The following MAD1L1 variants were observed in gnomAD, a reference collection of about 807,000 sequenced individuals.
MAD1L1 encodes the protein mitotic arrest deficient 1 like 1.
In MAD1L1, 95 loss-of-function variants were observed where a neutral mutation model predicts 96.9. That is an observed-to-expected ratio of 0.98 (90% CI 0.83 to 1.16). The LOEUF is 1.16. Ranked by LOEUF, MAD1L1 falls within the 50% of genes most tolerant of loss-of-function variation. The pLI, the probability that MAD1L1 is intolerant of heterozygous loss-of-function variation, is 0.00. For missense variants in MAD1L1, 1,007 were observed against 954.4 expected, an observed-to-expected ratio of 1.06 and a Z score of -0.73; for synonymous variants, 473 against 396.6, an observed-to-expected ratio of 1.19 and a Z score of -2.29.
At chr7:2,152,972 T>G (rs532566606) in intron 10 of MAD1L1, among the ~76,000 whole-genome samples, 1 of 152,314 alleles carries the variant, frequency 6.6e-6, no homozygotes, top group African/African-American at 2.4e-5. Context: ...TTGTGAAATT[T>G]TGTATACCCT....
At chr7:2,221,063 G>T (rs781760990) in intron 5 of MAD1L1, 43 of 1,597,148 alleles carry the variant, frequency 2.7e-5, no homozygotes, top group Non-Finnish European at 3.3e-5. Context: ...TGCGCAGGGA[G>T]GGCTTCCCTG....
At chr7:2,180,205 C>T (rs921386680) in intron 10 of MAD1L1, among the ~76,000 whole-genome samples, 1 of 152,176 alleles carries the variant, frequency 6.6e-6, no homozygotes, top group African/African-American at 2.4e-5. Context: ...GTGCATGTTG[C>T]GCACAGGCTC....
At chr7:2,116,571 G>A (rs988636300) in intron 11 of MAD1L1, among the ~76,000 whole-genome samples, 11 of 150,754 alleles carry the variant, frequency 7.3e-5, no homozygotes, top group African/African-American at 1.2e-4. Flanking sequence ...GAGGGTTGGG[G>A]GGGGGGGGGG....
intron 11 of MAD1L1, among the ~76,000 whole-genome samples, chr7:2,092,517 CTCTGGATA>C (rs1477260639): frequency 1.3e-5 from 2 of 152,222 alleles, no homozygotes; most frequent in African/African-American, 4.8e-5. Context: ...CACACCTGCC[CTCTGGATA>C]TCGGTGACTG....
intron 18 of MAD1L1, among the ~76,000 whole-genome samples, chr7:1,874,735 C>T (rs959901697): frequency 6.6e-6 from 1 of 151,988 alleles, no homozygotes; most frequent in South Asian, 2.1e-4. Flanking sequence ...CAGGCCCTCC[C>T]GCCTGGGCAC....
intron 10 of MAD1L1, among the ~76,000 whole-genome samples, chr7:2,171,585 G>A (rs1026595105): frequency 1.2e-4 from 18 of 151,288 alleles, no homozygotes; most frequent in African/African-American, 4.4e-4. Flanking sequence ...CAGCTGGAGG[G>A]TGGAGATGGG....
intron 18 of MAD1L1, chr7:1,838,741 A>G (rs3889573): frequency 0.79 from 372,686 of 470,820 alleles, 148,902 homozygotes; most frequent in African/African-American, 0.92. Context: ...ATAGACTGTG[A>G]TGATGGCTGC....
intron 12 of MAD1L1, among the ~76,000 whole-genome samples, chr7:2,037,002 T>C (rs1783467425): frequency 6.6e-6 from 1 of 151,302 alleles, no homozygotes; most frequent in South Asian, 2.1e-4. Flanking sequence ...AGCTTCCGCG[T>C]GCCCACCCAC....
intron 16 of MAD1L1, among the ~76,000 whole-genome samples, chr7:1,956,229 C>CTGGCCACCCT (rs1562560179): frequency 1.3e-5 from 2 of 151,976 alleles, no homozygotes; most frequent in Non-Finnish European, 2.9e-5. Context: ...CAGGGCCACC[C>CTGGCCACCCT]TGGACGTCCC....
chr7:1,818,708 T>C (rs1333364665), intron 18 of MAD1L1, among the ~76,000 whole-genome samples: 1 of 152,052 alleles, frequency 6.6e-6, no homozygotes, highest in East Asian at 1.9e-4. Context: ...CATTCTTTAT[T>C]TGAAACAGGT....
intron 11 of MAD1L1, among the ~76,000 whole-genome samples, chr7:2,078,922 G>C (rs1258811918): frequency 6.6e-6 from 1 of 152,258 alleles, no homozygotes; most frequent in African/African-American, 2.4e-5. Context: ...AGGGTCTCCA[G>C]GGCCGTGCCT....
intron 18 of MAD1L1, among the ~76,000 whole-genome samples, chr7:1,887,801 G>A (rs1391689592): frequency 8.5e-6 from 1 of 117,512 alleles, no homozygotes; most frequent in African/African-American, 3.3e-5. Context: ...GCATGTATGT[G>A]GCTGCCTGTG....
chr7:2,000,020 C>T (rs1054998193), intron 14 of MAD1L1, among the ~76,000 whole-genome samples: 1 of 152,152 alleles, frequency 6.6e-6, no homozygotes, highest in African/African-American at 2.4e-5. Context: ...TCTCTGCTAC[C>T]TACTCATTCC....
intron 12 of MAD1L1, among the ~76,000 whole-genome samples, chr7:2,032,142 CG>C (rs778198454): frequency 9.2e-5 from 14 of 152,224 alleles, no homozygotes; most frequent in Non-Finnish European, 1.6e-4. Context: ...CTCATTCATG[CG>C]GGACGCCCGG....
chr7:2,032,284 C>CGATGAGGACAAGG lies in MAD1L1; in HGVS notation c.1219-17643_1219-17642insCCTTGTCCTCATC, dbSNP rs1217600108. ...CCTCCTGAGGCAGGCTGGAGTCCTC[C>CGATGAGGACAAGG]CTTTCAGATGAGGACAAGGCTCCAG... On this transcript the variant is annotated intron_variant, in intron 12 of 18. Coordinates refer to ENST00000265854, the MANE Select transcript of MAD1L1 (RefSeq NM_001013836.2). Among the ~76,000 whole-genome samples, 621 of 152,352 alleles carry CGATGAGGACAAGG rather than the reference C, an allele frequency of 4.1e-3. 6 individuals are homozygous for CGATGAGGACAAGG. Among genetic ancestry groups the CGATGAGGACAAGG allele is most frequent in the African/African-American group, 0.014 (587 of 41,588 alleles).
At chr7:2,225,617 A>G (rs1424624447) in intron 3 of MAD1L1, 67 bp from the exon 4 acceptor site, 1 of 1,545,738 alleles carries the variant, frequency 6.5e-7, no homozygotes, top group East Asian at 2.3e-5. Context: ...TGAGTGACTC[A>G]GTGCAGCAGA....
In MAD1L1 at chr7:1,821,859, G is replaced by A. The variant is rs571152241; in HGVS notation, c.1999-5631C>T. On this transcript the variant is annotated intron_variant, in intron 18 of 18. Transcript: ENST00000265854. ...AGAGTCTGGCCGCCTTCCCTCATTC[G>A]GTCAGCGGAGAGCTGGCTTTCCCCA... Among the ~76,000 whole-genome samples, 10 of 152,302 alleles carry A rather than the reference G, an allele frequency of 6.6e-5. No homozygotes were observed. The East Asian group carries it at 1.3e-3, about 21-fold the overall frequency.
intron 18 of MAD1L1, among the ~76,000 whole-genome samples, chr7:1,860,496 G>A (rs916140478): frequency 1.3e-5 from 2 of 152,136 alleles, no homozygotes; most frequent in Non-Finnish European, 2.9e-5. Context: ...ACATCCTGCA[G>A]GGCAGCCTCT....
rs561863630 is a variant in MAD1L1, at chr7:2,135,905, C to T, written c.1073+13247G>A. ...GCCATATAACTCACAAGCAGCCAGG[C>T]ATTTGGGAAGCGTGGCCATGATCAG... On this transcript the variant is annotated intron_variant, in intron 11 of 18. Transcript: ENST00000265854. Among the ~76,000 whole-genome samples, 11 of 152,312 alleles carry T rather than the reference C, an allele frequency of 7.2e-5. No homozygotes were observed. The East Asian group carries it at 2.1e-3, about 29-fold the overall frequency.
Sources: allele counts gnomAD v4.1 joint callset (sites outside exome capture counted in the v4.1 genomes callset), GRCh38; gene constraint gnomAD v4.1.1; transcripts MANE v1.5; gene names NCBI Gene and HGNC (gene_info 2026-07-23, HGNC 2026-07-21).